The following NEDD4 variants were observed in gnomAD, a reference collection of about 807,000 sequenced individuals.
The protein encoded by NEDD4 is NEDD4 E3 ubiquitin protein ligase, also known as E3 ubiquitin-protein ligase NEDD4.
Under a neutral mutation model 144.9 loss-of-function variants are expected in NEDD4, and 99 were observed. That is an observed-to-expected ratio of 0.68 (90% confidence interval 0.58 to 0.81). NEDD4 has a LOEUF of 0.81. NEDD4 is among the 30% of genes least tolerant of loss of function. The pLI, the probability that NEDD4 is intolerant of heterozygous loss-of-function variation, is 0.00. For missense variants in NEDD4, 985 were observed against 1,065.9 expected (o/e 0.92, Z 1.06); for synonymous variants, 318 against 350.6 (o/e 0.91, Z 1.04).
intron 5 of NEDD4, among the ~76,000 whole-genome samples, chr15:55,883,926 C>G (rs2035294344): frequency 6.7e-6 from 1 of 148,908 alleles, no homozygotes; most frequent in African/African-American, 2.5e-5. Flanking sequence ...GTTGCCCAGG[C>G]TGGAGTACAG....
At chr15:55,916,359 T>G in intron 5 of NEDD4, 1 of 1,614,050 alleles carries the variant, frequency 6.2e-7, no homozygotes, top group Non-Finnish European at 8.5e-7. Flanking sequence ...AGACCCATTA[T>G]CACTGGTTGA....
intron 5 of NEDD4, chr15:55,917,085 C>G (rs185743810): frequency 8.2e-7 from 1 of 1,219,194 alleles, no homozygotes; most frequent in Non-Finnish European, 1.0e-6. Context: ...CCTTCACTTA[C>G]AAAGCACTTG....
intron 1 of NEDD4, chr15:55,991,957 C>A (rs1424179461): frequency 6.6e-6 from 1 of 152,204 alleles, no homozygotes; most frequent in African/African-American, 2.4e-5. Context: ...GATCAACTGG[C>A]TCTGCTGGAA....
chr15:55,837,122 T>C (rs1370737415), intron 24 of NEDD4, among the ~76,000 whole-genome samples: 2 of 152,110 alleles, frequency 1.3e-5, no homozygotes, highest in African/African-American at 2.4e-5. Context: ...ATATCCCTAA[T>C]AAATATCTGA....
At chr15:55,961,233 G>A (rs2037421262) in intron 2 of NEDD4, among the ~76,000 whole-genome samples, 1 of 152,102 alleles carries the variant, frequency 6.6e-6, no homozygotes, top group Non-Finnish European at 1.5e-5. Context: ...AAACATCTAT[G>A]TCCAAATTCC....
intron 14 of NEDD4, 144 bp downstream of exon 14, chr15:55,850,398 T>C: frequency 2.6e-6 from 2 of 758,874 alleles, no homozygotes; most frequent in Non-Finnish European, 4.3e-6. Context: ...TGAATACAAA[T>C]AATATTATTA....
intron 5 of NEDD4, among the ~76,000 whole-genome samples, chr15:55,922,108 A>G (rs2036578734): frequency 6.6e-6 from 1 of 152,256 alleles, no homozygotes. Context: ...AGACTCAGAC[A>G]CGTACATAGG....
chr15:55,908,865 C>T (rs760871923), intron 5 of NEDD4, among the ~76,000 whole-genome samples: 3 of 151,890 alleles, frequency 2.0e-5, no homozygotes, highest in Non-Finnish European at 2.9e-5. Flanking sequence ...CATAATGAGA[C>T]CTCATCATAA....
At chr15:55,907,646 T>G (rs1254504699) in intron 5 of NEDD4, among the ~76,000 whole-genome samples, 1 of 152,204 alleles carries the variant, frequency 6.6e-6, no homozygotes, top group African/African-American at 2.4e-5. Context: ...GGTTCAGTCT[T>G]TCAGCCTTGT....
chr15:55,880,240 C>T (rs969064352), intron 5 of NEDD4, among the ~76,000 whole-genome samples: 3 of 151,904 alleles, frequency 2.0e-5, no homozygotes, highest in African/African-American at 4.8e-5. Flanking sequence ...TGCAGTGAGC[C>T]GAGATCGCAC....
chr15:55,945,704 A>C (rs2037098623), intron 4 of NEDD4, among the ~76,000 whole-genome samples: 1 of 152,094 alleles, frequency 6.6e-6, no homozygotes, highest in Admixed American at 6.5e-5. Context: ...AAGACACATA[A>C]TTGTCAGATT....
chr15:55,966,538 T>C lies in NEDD4; in HGVS notation c.54A>G (p.Ser18=). Residue 18 remains serine, a synonymous_variant, in exon 2 of 29, where the codon TCA becomes TCG. Transcript: ENST00000435532. ...VFGLLEDEEN[S]RIVRVRVIAG... Reference sequence around the variant, plus strand: ...CTATAACTCTTACTCTCACAATTCGTGAATTTTCCTAAAATACAAAAATTT... The same window carrying C: ...CTATAACTCTTACTCTCACAATTCGCGAATTTTCCTAAAATACAAAAATTT... 2 of 1,516,308 alleles carry C rather than the reference T, an allele frequency of 1.3e-6. No individual in the cohort carries two copies. The highest frequency in any genetic ancestry group is 1.8e-6 in the Non-Finnish European group (2 of 1,132,534). The allele number at this position is 1,516,308 out of a possible 1,614,324, so 93.9% of individuals were successfully genotyped here.
At position 55,944,354 on chromosome 15, in the gene NEDD4, G is replaced by A. The variant is rs535819440; in HGVS notation, c.237+7022C>T. 7.6e-4 allele frequency among the ~76,000 whole-genome samples: 115 copies of A among 152,290 alleles called. 2 individuals are homozygous for A. Among genetic ancestry groups the A allele is most frequent in the Non-Finnish European group, 2.5e-4 (17 of 68,026 alleles). ...GATTCTCTCCCATGCCTGGATTGGCGGGTACCATGCCCACAGAGCCTTGCT... is the reference window on the plus strand; with the variant it reads ...GATTCTCTCCCATGCCTGGATTGGCAGGTACCATGCCCACAGAGCCTTGCT... On this transcript the variant is annotated intron_variant, in intron 4 of 28. Coordinates refer to ENST00000435532, the MANE Select transcript of NEDD4 (RefSeq NM_006154.4).
At chr15:55,970,945 G>C (rs2037597803) in intron 1 of NEDD4, among the ~76,000 whole-genome samples, 1 of 152,016 alleles carries the variant, frequency 6.6e-6, no homozygotes, top group South Asian at 2.1e-4. Flanking sequence ...AAACTAAATA[G>C]GGCACCAGTG....
rs2141959015 is a variant in NEDD4 at position 55,833,040 on chromosome 15, C to T, written c.2495G>A (p.Arg832Gln). 1.2e-6 allele frequency: 2 copies of T among 1,612,708 alleles called. No individual in the cohort carries two copies. The highest frequency in any genetic ancestry group is 1.7e-6 in the Non-Finnish European group (2 of 1,179,296). ...RLLQFVTGTS[R>Q]VPMNGFAELY... ...TTCAGCAAATCCATTCATAGGCACC[C>T]GAGATGTGCCAGTGACAAACTGAAG... Residue 832 changes from arginine to glutamine, a missense_variant, in exon 27 of 29, where the codon CGG becomes CAG. Transcript: ENST00000435532.
chr15:55,854,556 C>T (rs1306349529), intron 12 of NEDD4, among the ~76,000 whole-genome samples: 1 of 152,132 alleles, frequency 6.6e-6, no homozygotes, highest in African/African-American at 2.4e-5. Flanking sequence ...CACGAGATTT[C>T]TAGAAAAGGC....
In NEDD4 at chr15:55,841,861, GCA is replaced by G. The variant is rs2033523682; in HGVS notation, c.1838+71_1838+72del. 9.9e-6 allele frequency: 13 copies of G among 1,307,750 alleles called. No homozygotes were observed. In the Admixed American group the frequency reaches 1.6e-4, roughly 16 times the overall value. 81.0% of individuals were successfully genotyped at this position (1,307,750 alleles called of 1,614,324 possible). A position where few individuals can be genotyped will look rare whatever the true frequency, so the allele number is the denominator to read the frequency against. Reference sequence around the variant, plus strand: ...GCTGGGATTACAGGCATGAGCCACTGCACCCGGCCGACTCTTACTTTTAAAAC... The same window carrying G: ...GCTGGGATTACAGGCATGAGCCACTGCCCGGCCGACTCTTACTTTTAAAAC... On this transcript the variant is annotated intron_variant, in intron 19 of 28. Transcript: ENST00000435532.
chr15:55,926,344 G>A (rs540677689), intron 4 of NEDD4, among the ~76,000 whole-genome samples: 17 of 152,224 alleles, frequency 1.1e-4, no homozygotes, highest in African/African-American at 3.9e-4. Flanking sequence ...TGTCCCTTTT[G>A]CCCCTTGCAT....
rs974268575 is a variant in NEDD4 at position 55,891,564 on chromosome 15, A to G, written c.292-17556T>C. On this transcript the variant is annotated intron_variant, in intron 5 of 28. Coordinates refer to ENST00000435532, the MANE Select transcript of NEDD4 (RefSeq NM_006154.4). ...GAACTGCATGCAGCCTACTTCATAA[A>G]ACAAATTTGCATTTGGTATAATATA... Among the ~76,000 whole-genome samples the G allele has an allele frequency of 4.6e-5, 7 of 152,326 alleles. 1 individual carries two copies. The South Asian group carries it at 1.0e-3, about 23-fold the overall frequency.
Sources: allele counts gnomAD v4.1 joint callset (sites outside exome capture counted in the v4.1 genomes callset), GRCh38; gene constraint gnomAD v4.1.1; transcripts MANE v1.5; gene names NCBI Gene and HGNC (gene_info 2026-07-23, HGNC 2026-07-21).